The following SRC variants were observed in gnomAD, a reference collection of about 807,000 sequenced individuals.
The protein encoded by SRC is proto-oncogene tyrosine-protein kinase Src.
Under a neutral mutation model 62.9 loss-of-function variants are expected in SRC, and 13 were observed. That is an observed-to-expected ratio of 0.21 (90% CI 0.13 to 0.33). The LOEUF (loss-of-function observed/expected upper bound fraction) is 0.33, where lower values mean the gene tolerates loss of function less well. Among genes scored for constraint, SRC ranks in the 10% least tolerant of loss-of-function variants. The pLI is 1.00. For synonymous variants in SRC, 302 were observed against 317.5 expected (o/e 0.95, Z 0.52); for missense variants, 457 against 737.3 (o/e 0.62, Z 4.40).
At chr20:37,393,391 G>C (rs573698983) in intron 5 of SRC, among the ~76,000 whole-genome samples, 10 of 152,350 alleles carry the variant, frequency 6.6e-5, no homozygotes, top group Non-Finnish European at 1.5e-4. Context: ...CCTCCACCCA[G>C]GTCTCACCAG....
At chr20:37,346,626 G>A (rs946898506) in intron 1 of SRC, among the ~76,000 whole-genome samples, 6 of 149,160 alleles carry the variant, frequency 4.0e-5, no homozygotes, top group African/African-American at 1.5e-4. Flanking sequence ...AGTCGGCGCC[G>A]CCTCTGCCTG....
At chr20:37,373,124 G>A (rs1313609610) in intron 2 of SRC, among the ~76,000 whole-genome samples, 1 of 147,382 alleles carries the variant, frequency 6.8e-6, no homozygotes, top group Non-Finnish European at 1.5e-5. Context: ...ACACACATAT[G>A]TACATATATA....
At chr20:37,394,368 G>C in intron 7 of SRC, 91 bp downstream of exon 7, 1 of 1,172,838 alleles carries the variant, frequency 8.5e-7, no homozygotes, top group Non-Finnish European at 1.3e-6. Context: ...TTGGTTTGTG[G>C]AGTAGGGAGG....
rs941925688 is a variant in SRC, at chr20:37,403,787, A to G, written c.*408A>G. On this transcript the variant is annotated 3_prime_UTR_variant, in exon 14 of 14. Transcript: ENST00000373578. The surrounding 1 kb of genome is among the most constrained non-coding windows in gnomAD (Gnocchi z 7.1). ...CCCCGGTCTATGTCGAGAGCTGGCC[A>G]AAGAGCCTTTCCAAAGAGGAGCGAT... The G allele has an allele frequency of 7.4e-6, 2 of 271,312 alleles. No homozygotes were observed. The highest frequency in any genetic ancestry group is 1.4e-5 in the Non-Finnish European group (2 of 140,394). The allele number at this position is 271,312 out of a possible 1,614,324, so 16.8% of individuals were successfully genotyped here.
At chr20:37,373,045 CAT>C (rs1034798603) in intron 2 of SRC, among the ~76,000 whole-genome samples, 10 of 151,566 alleles carry the variant, frequency 6.6e-5, no homozygotes, top group African/African-American at 2.4e-4. Context: ...CACATATACA[CAT>C]ATATACATAT....
intron 1 of SRC, among the ~76,000 whole-genome samples, chr20:37,348,835 A>G (rs912683474): frequency 6.6e-6 from 1 of 152,200 alleles, no homozygotes; most frequent in African/African-American, 2.4e-5. Flanking sequence ...TGAAGAGGGC[A>G]TGTAGGGGTT....
At chr20:37,364,347 G>A (rs528377756) in intron 1 of SRC, among the ~76,000 whole-genome samples, 15 of 152,256 alleles carry the variant, frequency 9.9e-5, no homozygotes, top group African/African-American at 3.6e-4. Flanking sequence ...AGAGGGTTGG[G>A]GTGGTTCACT....
Position 37,384,308 on chromosome 20 carries a change from C to T in SRC, c.155C>T (p.Ala52Val). The part of the protein sequence containing the change: ...ASADGHRGPS[A>V]AFAPAAAEPK... ...GCCGACGGCCACCGCGGCCCCAGCG[C>T]GGCCTTCGCCCCCGCGGCCGCCGAG... is the stretch of plus-strand genomic sequence containing the variant. Residue 52 changes from alanine to valine, a missense_variant, in exon 4 of 14, where the codon GCG becomes GTG. Physicochemically the swap from Ala to Val is moderately conservative, Grantham distance 64. Transcript: ENST00000373578. This position sits in a 1 kb window ranked among gnomAD's most constrained non-coding sequence, Gnocchi z 6.7. The T allele has an allele frequency of 6.8e-7, 1 of 1,470,238 alleles. No homozygotes were observed. The highest frequency in any genetic ancestry group is 1.3e-5 in the South Asian group (1 of 76,836). 91.1% of individuals were successfully genotyped at this position (1,470,238 alleles called of 1,614,324 possible). A position where few individuals can be genotyped will look rare whatever the true frequency, so the allele number is the denominator to read the frequency against.
intron 5 of SRC, among the ~76,000 whole-genome samples, chr20:37,388,972 G>A (rs918837600): frequency 2.0e-5 from 3 of 152,134 alleles, no homozygotes; most frequent in Non-Finnish European, 4.4e-5. Context: ...GTAAGAGTGG[G>A]GGGCTTTCTG....
intron 2 of SRC, among the ~76,000 whole-genome samples, chr20:37,373,111 T>TACAC (rs145022620): frequency 4.4e-5 from 6 of 135,814 alleles, no homozygotes; most frequent in African/African-American, 2.2e-4. Flanking sequence ...CACATATATG[T>TACAC]ACACACACAT....
intron 5 of SRC, among the ~76,000 whole-genome samples, chr20:37,387,570 G>A (rs1430012132): frequency 6.8e-6 from 1 of 146,754 alleles, no homozygotes; most frequent in Non-Finnish European, 1.5e-5. Context: ...GGGAGGGGGG[G>A]CTCTCCCGGC....
chr20:37,399,224 C>T (rs981877542), intron 9 of SRC, among the ~76,000 whole-genome samples: 1 of 152,212 alleles, frequency 6.6e-6, no homozygotes, highest in Admixed American at 6.5e-5. Context: ...GGGGAACTGA[C>T]TCTCCCATGG....
At chr20:37,359,497 T>C (rs6018000) in intron 1 of SRC, among the ~76,000 whole-genome samples, 51,079 of 151,940 alleles carry the variant, frequency 0.34, 12,592 homozygotes, top group African/African-American at 0.7. Flanking sequence ...CAGGGAAGGC[T>C]TCACACCTCA....
intron 2 of SRC, among the ~76,000 whole-genome samples, chr20:37,366,834 A>G (rs897030361): frequency 1.3e-5 from 2 of 152,184 alleles, no homozygotes; most frequent in African/African-American, 2.4e-5. Flanking sequence ...CTGGACATTC[A>G]TGCACAAGTT....
In SRC at chr20:37,384,858, C is replaced by T. The variant is rs1237966069; in HGVS notation, c.250+455C>T. 6.6e-6 allele frequency among the ~76,000 whole-genome samples: 1 copy of T among 152,212 alleles called. No individual in the cohort carries two copies. The highest frequency in any genetic ancestry group is 1.5e-5 in the Non-Finnish European group (1 of 68,026). On this transcript the variant is annotated intron_variant, in intron 4 of 13. Coordinates refer to ENST00000373578, the MANE Select transcript of SRC (RefSeq NM_198291.3). This position sits in a 1 kb window ranked among gnomAD's most constrained non-coding sequence, Gnocchi z 6.7. ...CCGCGCCAGGATGCGCCCCTGCGCC[C>T]TCTGCTGGCGCTCTGCGGTCACCGC...
rs551187370 is a variant in SRC at position 37,361,303 on chromosome 20, C to G, written c.-246-3901C>G. The stretch of plus-strand genomic sequence containing the variant: ...TCGTTTTTATCATCTTACGATCACC[C>G]GTCCCCAGCCTGTCTCGGATGCCCT... On this transcript the variant is annotated intron_variant, in intron 1 of 13. Coordinates refer to ENST00000373578, the MANE Select transcript of SRC (RefSeq NM_198291.3). 5.9e-5 allele frequency among the ~76,000 whole-genome samples: 9 copies of G among 152,220 alleles called. No individual in the cohort carries two copies. The East Asian group carries it at 1.7e-3, about 29-fold the overall frequency.
At chr20:37,347,485 T>C (rs1013146069) in intron 1 of SRC, among the ~76,000 whole-genome samples, 1 of 152,218 alleles carries the variant, frequency 6.6e-6, no homozygotes, top group African/African-American at 2.4e-5. Context: ...GTGTAGTAGA[T>C]GCTCAATAAA....
rs779676153 is a variant in SRC at position 37,384,229 on chromosome 20, G to C, written c.76G>C (p.Gly26Arg). The change falls in exon 4 of 14, where the codon GGC (glycine) becomes CGC (arginine). Residue 26 changes from glycine to arginine, a missense_variant. Transcript: ENST00000373578. The surrounding 1 kb of genome is among the most constrained non-coding windows in gnomAD (Gnocchi z 6.7). ...CCTGGAGCCCGCCGAGAACGTGCAC[G>C]GCGCTGGCGGGGGCGCTTTCCCCGC... ...RSLEPAENVH[G>R]AGGGAFPASQ... is the part of the protein sequence containing the mutation. 1 of 1,577,028 alleles carries C rather than the reference G, an allele frequency of 6.3e-7. No individual in the cohort carries two copies. The highest frequency in any genetic ancestry group is 2.5e-5 in the East Asian group (1 of 40,556).
In SRC at chr20:37,389,228, C is replaced by T. The variant is rs374237778; in HGVS notation, c.350+3054C>T. On this transcript the variant is annotated intron_variant, in intron 5 of 13. Coordinates refer to ENST00000373578, the MANE Select transcript of SRC (RefSeq NM_198291.3). ...GAGGTCTGACTGCCTCAAGCTCCCT[C>T]ATCTGACATCCTAGTCTCAGGAGTC... Among the ~76,000 whole-genome samples, 27 of 152,292 alleles carry T rather than the reference C, an allele frequency of 1.8e-4. No homozygotes were observed. In the East Asian group the frequency reaches 2.9e-3, roughly 16 times the overall value.
Sources: gnomAD v4.1 joint callset for allele counts (sites outside exome capture counted in the v4.1 genomes callset) on GRCh38, gnomAD v4.1.1 for gene constraint, Gnocchi (gnomAD v3.1) non-coding constraint, MANE v1.5 for transcripts, NCBI Gene and HGNC (gene_info 2026-07-23, HGNC 2026-07-21) for gene names.